TOP1MT: variants seen among roughly 807,000 people sequenced by gnomAD.
TOP1MT encodes DNA topoisomerase I mitochondrial.
TOP1MT carries 80 observed loss-of-function variants against 73.9 expected under a neutral mutation model. That is an observed-to-expected ratio of 1.08 (90% confidence interval 0.90 to 1.30). The LOEUF is 1.30. Ranked by LOEUF, TOP1MT falls within the 50% of genes most tolerant of loss-of-function variation. TOP1MT has a pLI of 0.00. For synonymous variants in TOP1MT, 338 were observed against 326.4 expected, an observed-to-expected ratio of 1.04 and a Z score of -0.38; for missense variants, 815 against 808.0, an observed-to-expected ratio of 1.01 and a Z score of -0.10.
At chr8:143,342,845 C>G (rs56172620) in intron 2 of TOP1MT, among the ~76,000 whole-genome samples, 27 of 146,898 alleles carry the variant, frequency 1.8e-4, no homozygotes, top group African/African-American at 5.9e-4. Flanking sequence ...AGTGCAGTGG[C>G]GTGATCTCGG....
At chr8:143,317,395 GA>G (rs1475964037) in intron 10 of TOP1MT, among the ~76,000 whole-genome samples, 5 of 152,222 alleles carry the variant, frequency 3.3e-5, no homozygotes, top group African/African-American at 7.2e-5. Context: ...GGAAAGTGCA[GA>G]GGCCTCCTGG....
At chr8:143,325,151 C>T (rs1016389982) in intron 5 of TOP1MT, among the ~76,000 whole-genome samples, 195 bp downstream of exon 5, 4 of 152,202 alleles carry the variant, frequency 2.6e-5, no homozygotes, top group East Asian at 1.9e-4. Flanking sequence ...CGAGGACTTC[C>T]GACCCCGTGG....
chr8:143,354,968 G>A (rs1225161182), intron 1 of TOP1MT, among the ~76,000 whole-genome samples: 3 of 152,236 alleles, frequency 2.0e-5, no homozygotes, highest in Admixed American at 6.5e-5. Flanking sequence ...TGAAGTTGCA[G>A]CAACATTTAA....
At chr8:143,338,623 C>A (rs982912601), upstream of TOP1MT, among the ~76,000 whole-genome samples, 1 of 152,124 alleles carries the variant, frequency 6.6e-6, no homozygotes, top group Non-Finnish European at 1.5e-5. Flanking sequence ...ATAGACATTT[C>A]TCCAAAGATG....
rs372788685 is a variant in TOP1MT, at chr8:143,316,029, G to C, written c.1428C>G (p.Phe476Leu). 16 of 1,614,016 alleles carry C rather than the reference G, an allele frequency of 9.9e-6. No homozygotes were observed. The highest frequency in any genetic ancestry group is 6.7e-5 in the Admixed American group (4 of 60,008). The change falls in exon 11 of 14, where the codon TTC becomes TTG. Residue 476 changes from phenylalanine to leucine, a missense_variant. This residue lies in a region of TOP1MT where 751 missense variants were observed against 725.4 expected (regional missense o/e 1.04). Transcript: ENST00000329245. ...TCTGGAGATTCTGCATCGACTTCTCGAACGTACTGGGGGTTGCTCGCTGAT... is the reference window on the plus strand; with the variant it reads ...TCTGGAGATTCTGCATCGACTTCTCCAACGTACTGGGGGTTGCTCGCTGAT... Reference protein sequence around the residue: ...CNHQRATPSTFEKSMQNLQTK... With the variant: ...CNHQRATPSTLEKSMQNLQTK...
At chr8:143,321,669 C>A (rs1367572847) in intron 7 of TOP1MT, among the ~76,000 whole-genome samples, 1 of 120,840 alleles carries the variant, frequency 8.3e-6, no homozygotes, top group African/African-American at 3.7e-5. Context: ...CACACACGCA[C>A]GCCACACACG....
chr8:143,328,270 A>T (rs1302907365), intron 3 of TOP1MT: 1 of 456,152 alleles, frequency 2.2e-6, no homozygotes, highest in Non-Finnish European at 4.4e-6. Flanking sequence ...GTGAAAAGGC[A>T]AAGTCTGGGA....
At chr8:143,338,986 T>C (rs2130389322), upstream of TOP1MT, among the ~76,000 whole-genome samples, 1 of 152,322 alleles carries the variant, frequency 6.6e-6, no homozygotes, top group East Asian at 1.9e-4. Context: ...CTGTTTTGCA[T>C]GAGAGAAACT....
intron 2 of TOP1MT, among the ~76,000 whole-genome samples, chr8:143,330,945 G>A: frequency 7.2e-6 from 1 of 138,976 alleles, no homozygotes; most frequent in Non-Finnish European, 1.6e-5. Flanking sequence ...GCGGGGGGAG[G>A]GAGGGGGGGT....
intron 5 of TOP1MT, 151 bp from the exon 6 acceptor site, chr8:143,324,780 C>T (rs1816660003): frequency 8.6e-6 from 8 of 932,260 alleles, no homozygotes; most frequent in Non-Finnish European, 1.3e-5. Flanking sequence ...GCCTGCCTGG[C>T]AGCTCAGACA....
intron 12 of TOP1MT, among the ~76,000 whole-genome samples, chr8:143,311,833 T>C (rs1037467704): frequency 6.6e-6 from 1 of 151,520 alleles, no homozygotes; most frequent in African/African-American, 2.4e-5. Flanking sequence ...AAAGATAATA[T>C]GGGAATACTA....
In TOP1MT at chr8:143,316,032, C is replaced by G. The variant is rs201125639; in HGVS notation, c.1425G>C (p.Thr475=). The G allele has an allele frequency of 6.2e-7, 1 of 1,614,026 alleles. No homozygotes were observed. Among genetic ancestry groups the G allele is most frequent in the African/African-American group, 1.3e-5 (1 of 74,936 alleles). The change falls in exon 11 of 14, where the codon ACG becomes ACC. Residue 475 remains threonine (T), a synonymous_variant. Coordinates refer to ENST00000329245, the MANE Select transcript of TOP1MT (RefSeq NM_052963.3). ...LCNHQRATPS[T]FEKSMQNLQT... ...GGAGATTCTGCATCGACTTCTCGAA[C>G]GTACTGGGGGTTGCTCGCTGATGGT... is the stretch of plus-strand genomic sequence containing the variant.
chr8:143,321,440 A>C, intron 7 of TOP1MT, 54 bp from the exon 8 acceptor site: 1 of 1,476,190 alleles, frequency 6.8e-7, no homozygotes, highest in Non-Finnish European at 9.2e-7. Flanking sequence ...CACGCCACAC[A>C]CACGCACGCC....
rs766498339 is a variant in TOP1MT, at chr8:143,309,972, G to A, written c.1703+96C>T. On this transcript the variant is annotated intron_variant, in intron 13 of 13. Transcript: ENST00000329245. ...GGCCTGTGCTGACCCCAGGGGACACGGGACAAGGGCAATGCTGGGACTGAA... is the reference window on the plus strand; with the variant it reads ...GGCCTGTGCTGACCCCAGGGGACACAGGACAAGGGCAATGCTGGGACTGAA... The A allele has an allele frequency of 5.4e-5, 87 of 1,596,892 alleles. No individual in the cohort carries two copies. The African/African-American group carries it at 8.9e-4, about 16-fold the overall frequency.
chr8:143,309,798 G>A (rs1258183640), intron 13 of TOP1MT: 1 of 1,533,554 alleles, frequency 6.5e-7, no homozygotes, highest in Admixed American at 2.0e-5. Flanking sequence ...CCCACTCCCT[G>A]TGGGCAGGCT....
intron 7 of TOP1MT, among the ~76,000 whole-genome samples, chr8:143,321,849 G>A (rs1816407225): frequency 4.4e-5 from 3 of 68,760 alleles, no homozygotes; most frequent in Non-Finnish European, 7.6e-5. Context: ...CCACACGCAC[G>A]CCACACACGC....
At chr8:143,357,019 G>A (rs968224433), upstream of TOP1MT, among the ~76,000 whole-genome samples, 17 of 147,630 alleles carry the variant, frequency 1.2e-4, no homozygotes, top group Admixed American at 2.7e-4. Flanking sequence ...GTATGAACCC[G>A]AGAGGCAGAG....
intron 9 of TOP1MT, 51 bp from the exon 10 acceptor site, chr8:143,317,888 A>C: frequency 1.2e-6 from 2 of 1,601,772 alleles, no homozygotes; most frequent in Non-Finnish European, 1.7e-6. Flanking sequence ...GGGCCGTCCC[A>C]GCCTCCCGCG....
In TOP1MT at chr8:143,310,214, G is replaced by C; in HGVS notation, c.1557C>G (p.Val519=). The change falls in exon 13 of 14, where the codon GTC becomes GTG. Residue 519 remains valine (V), a synonymous_variant. Coordinates refer to ENST00000329245, the MANE Select transcript of TOP1MT (RefSeq NM_052963.3). ...CCAGGAGCCGCCTCTTCTTCTCCAG[G>C]ACACTGGCAAGAGAAGAGGAGGCCG... ...KAQGDGKSRS[V]LEKKRRLLEK... is the part of the protein sequence containing the mutation. 6.4e-7 allele frequency: 1 copy of C among 1,558,762 alleles called. No homozygotes were observed. The highest frequency in any genetic ancestry group is 8.7e-7 in the Non-Finnish European group (1 of 1,153,994).
Sources: gnomAD v4.1 joint callset for allele counts (sites outside exome capture counted in the v4.1 genomes callset) on GRCh38, gnomAD v4.1.1 for gene constraint, gnomAD v4.1.1 regional missense constraint, MANE v1.5 for transcripts, NCBI Gene and HGNC (gene_info 2026-07-23, HGNC 2026-07-21) for gene names.